The following ZNF438 variants were observed in gnomAD, a reference collection of about 807,000 sequenced individuals.
ZNF438 encodes zinc finger protein 438.
Under a neutral mutation model 38.0 loss-of-function variants are expected in ZNF438, and 25 were observed. That is an observed-to-expected ratio of 0.66 (90% CI 0.48 to 0.92). ZNF438 has a LOEUF of 0.92. Among genes scored for constraint, ZNF438 ranks in the 40% least tolerant of loss-of-function variants. The probability of loss-of-function intolerance (pLI) is 0.00; values close to 1 mark genes in which losing one functional copy is unlikely to be tolerated. For synonymous variants in ZNF438, 372 were observed against 364.1 expected, an observed-to-expected ratio of 1.02 and a Z score of -0.25; for missense variants, 1,007 against 999.6, an observed-to-expected ratio of 1.01 and a Z score of -0.10.
At chr10:30,892,445 T>C (rs1817829667) in intron 3 of ZNF438, among the ~76,000 whole-genome samples, 1 of 152,182 alleles carries the variant, frequency 6.6e-6, no homozygotes, top group Non-Finnish European at 1.5e-5. Flanking sequence ...CTCAGGTAAC[T>C]GAAATGAGAA....
chr10:30,945,370 T>C (rs373856185), intron 1 of ZNF438, among the ~76,000 whole-genome samples: 5 of 150,136 alleles, frequency 3.3e-5, no homozygotes, highest in African/African-American at 1.2e-4. Flanking sequence ...CTGCATGGTA[T>C]CTCTTTGGAT....
At chr10:30,916,877 C>T (rs2043697188) in intron 2 of ZNF438, among the ~76,000 whole-genome samples, 2 of 152,020 alleles carry the variant, frequency 1.3e-5, no homozygotes, top group African/African-American at 4.8e-5. Flanking sequence ...ATGGTTGATT[C>T]AATTTGTATA....
chr10:30,982,774 T>C (rs1248732559), intron 1 of ZNF438, among the ~76,000 whole-genome samples: 1 of 152,226 alleles, frequency 6.6e-6, no homozygotes, highest in Non-Finnish European at 1.5e-5. Flanking sequence ...CAAAGTTTCC[T>C]TCTTATAAGT....
chr10:30,902,389 T>C (rs935090612), intron 3 of ZNF438, among the ~76,000 whole-genome samples: 12 of 151,962 alleles, frequency 7.9e-5, no homozygotes, highest in Non-Finnish European at 1.2e-4. Flanking sequence ...GACAGAGTGC[T>C]GATTCATGCA....
chr10:30,866,554 G>A (rs965254595), intron 4 of ZNF438, among the ~76,000 whole-genome samples: 1 of 152,088 alleles, frequency 6.6e-6, no homozygotes, highest in African/African-American at 2.4e-5. Flanking sequence ...GTGCTTATGG[G>A]TCAGGCGCGG....
At chr10:30,959,292 G>T (rs1302589653) in intron 1 of ZNF438, among the ~76,000 whole-genome samples, 2 of 146,496 alleles carry the variant, frequency 1.4e-5, no homozygotes. Flanking sequence ...TGAGTTGATG[G>T]CCTGAATAGA....
At chr10:30,855,765 G>A (rs1457158217) in intron 4 of ZNF438, among the ~76,000 whole-genome samples, 1 of 152,224 alleles carries the variant, frequency 6.6e-6, no homozygotes, top group Non-Finnish European at 1.5e-5. Flanking sequence ...CAAGATGGGA[G>A]ATGTACAGTA....
intron 2 of ZNF438, among the ~76,000 whole-genome samples, chr10:30,927,786 C>T (rs1433649020): frequency 6.6e-6 from 1 of 152,180 alleles, no homozygotes. Context: ...CATGACTTCT[C>T]AGGACTTCAG....
chr10:31,023,288 C>T (rs146426283), intron 1 of ZNF438, among the ~76,000 whole-genome samples: 1 of 152,202 alleles, frequency 6.6e-6, no homozygotes, highest in African/African-American at 2.4e-5. Context: ...TCTATCAAGA[C>T]TAATTGTGGC....
At chr10:31,029,113 CCA>C (rs1432023254) in intron 1 of ZNF438, among the ~76,000 whole-genome samples, 1 of 152,222 alleles carries the variant, frequency 6.6e-6, no homozygotes, top group Admixed American at 6.5e-5. Context: ...GACTCCAAAG[CCA>C]CAATGCTTAG....
intron 1 of ZNF438, among the ~76,000 whole-genome samples, chr10:30,993,623 C>G (rs1237230337): frequency 6.6e-6 from 1 of 152,202 alleles, no homozygotes; most frequent in Non-Finnish European, 1.5e-5. Flanking sequence ...TGCTGAGAGC[C>G]CCTCGTAGGG....
intron 1 of ZNF438, among the ~76,000 whole-genome samples, chr10:30,981,433 A>C (rs974896561): frequency 2.0e-5 from 3 of 152,194 alleles, no homozygotes; most frequent in Non-Finnish European, 4.4e-5. Context: ...TACTGTACAT[A>C]ATAGGCACTT....
chr10:30,924,873 G>A (rs1327557011), intron 2 of ZNF438, among the ~76,000 whole-genome samples: 2 of 152,114 alleles, frequency 1.3e-5, no homozygotes, highest in African/African-American at 4.8e-5. Flanking sequence ...AATAAAAGCT[G>A]TAGTTTAGTT....
intron 4 of ZNF438, among the ~76,000 whole-genome samples, chr10:30,868,657 G>A (rs1179564665): frequency 6.6e-6 from 1 of 152,084 alleles, no homozygotes; most frequent in Non-Finnish European, 1.5e-5. Context: ...AAATACCCCT[G>A]TCAAACTACT....
chr10:30,850,708 CCATTTAACCTATCCCCACT>C (rs2033454606), intron 4 of ZNF438, among the ~76,000 whole-genome samples: 1 of 152,226 alleles, frequency 6.6e-6, no homozygotes, highest in African/African-American at 2.4e-5. Context: ...TCCATCCTCT[CCATTTAACCTATCCCCACT>C]CATCTTCACA....
rs146490398 is a variant in ZNF438 at position 30,860,131 on chromosome 10, G to T, written c.38-9764C>A. Among the ~76,000 whole-genome samples the T allele has an allele frequency of 2.5e-3, 380 of 152,210 alleles. 2 individuals carry two copies. Among genetic ancestry groups the T allele is most frequent in the Middle Eastern group, 6.8e-3 (2 of 294 alleles). The stretch of plus-strand genomic sequence containing the variant: ...TTATTACTCTAACCTTGGCCATAAA[G>T]AAATGATCTGACCTACTTGTTTGAT... On this transcript the variant is annotated intron_variant, in intron 4 of 5. Coordinates refer to ENST00000413025, the Ensembl canonical transcript of ZNF438.
chr10:31,024,568 C>G (rs1216985085), intron 1 of ZNF438, among the ~76,000 whole-genome samples: 1 of 151,858 alleles, frequency 6.6e-6, no homozygotes, highest in Non-Finnish European at 1.5e-5. Flanking sequence ...GCGGAGCTTG[C>G]AGTGAGCCAA....
At chr10:30,937,137 G>A (rs773903080) in intron 2 of ZNF438, among the ~76,000 whole-genome samples, 15 of 152,110 alleles carry the variant, frequency 9.9e-5, no homozygotes, top group Non-Finnish European at 1.6e-4. Flanking sequence ...GATGAGCCTA[G>A]GGCAGGGGTG....
intron 3 of ZNF438, among the ~76,000 whole-genome samples, chr10:30,896,889 G>C (rs544940085): frequency 3.3e-5 from 5 of 152,292 alleles, no homozygotes; most frequent in African/African-American, 1.2e-4. Flanking sequence ...CTGACATGAA[G>C]CATAGGCCTT....
Sources: gnomAD v4.1 joint callset for allele counts (sites outside exome capture counted in the v4.1 genomes callset) on GRCh38, gnomAD v4.1.1 for gene constraint, MANE v1.5 for transcripts, NCBI Gene and HGNC (gene_info 2026-07-23, HGNC 2026-07-21) for gene names.